Variants in OAS2 observed in about 807,000 individuals in gnomAD.
OAS2 encodes the protein 2'-5'-oligoadenylate synthetase 2, also known as 2'-5'-oligoadenylate synthase 2.
OAS2 carries 67 observed loss-of-function variants against 71.3 expected under a neutral mutation model. The ratio of observed to expected loss-of-function variants is 0.94; its 90% confidence interval spans 0.77 to 1.15. The LOEUF (loss-of-function observed/expected upper bound fraction) is 1.15, where lower values mean the gene tolerates loss of function less well. Ranked by LOEUF, OAS2 falls within the 50% of genes most tolerant of loss-of-function variation. The pLI, the probability that OAS2 is intolerant of heterozygous loss-of-function variation, is 0.00. For synonymous variants in OAS2, 327 were observed against 321.8 expected, an observed-to-expected ratio of 1.02 and a Z score of -0.17; for missense variants, 789 against 822.5, an observed-to-expected ratio of 0.96 and a Z score of 0.50.
intron 1 of OAS2, among the ~76,000 whole-genome samples, chr12:112,983,262 G>A (rs935121118): frequency 6.6e-6 from 1 of 151,940 alleles, no homozygotes; most frequent in Non-Finnish European, 1.5e-5. Context: ...TTTTGCTTTT[G>A]TTGCCCAAGC....
chr12:112,987,348 G>T (rs967211798), intron 2 of OAS2, 40 bp downstream of exon 2: 4 of 1,612,098 alleles, frequency 2.5e-6, no homozygotes, highest in Non-Finnish European at 3.4e-6. Flanking sequence ...AGCCAAAGAA[G>T]CGGGTGCCAG....
intron 2 of OAS2, 180 bp downstream of exon 2, chr12:112,987,488 C>T: frequency 6.9e-7 from 1 of 1,444,234 alleles, no homozygotes; most frequent in Non-Finnish European, 9.1e-7. Context: ...CTGGAACTAA[C>T]TTCTCCCCCA....
Position 112,978,645 on chromosome 12 carries a change from G to C in OAS2, c.37G>C (p.Ala13Pro). 1 of 1,614,140 alleles carries C rather than the reference G, an allele frequency of 6.2e-7. No individual in the cohort carries two copies. The change falls in exon 1 of 10, where the codon GCT becomes CCT. Residue 13 changes from alanine (A) to proline (P), a missense_variant. Coordinates refer to ENST00000392583, the MANE Select transcript of OAS2 (RefSeq NM_002535.3). This position sits in a 1 kb window ranked among gnomAD's most constrained non-coding sequence, Gnocchi z 4.2. ...GGAGTCCCAGCTGTCCTCGGTGCCT[G>C]CTCAGAAGCTGGGTTGGTTTATCCA... is the stretch of plus-strand genomic sequence containing the variant. Reference protein sequence around the residue: ...NGESQLSSVPAQKLGWFIQEY... With the variant: ...NGESQLSSVPPQKLGWFIQEY...
chr12:112,990,413 A>AATT (rs2044180472), intron 2 of OAS2, among the ~76,000 whole-genome samples: 2 of 152,366 alleles, frequency 1.3e-5, no homozygotes, highest in South Asian at 4.1e-4. Flanking sequence ...ATTAGCAGTT[A>AATT]GTTGAAGGAG....
intron 7 of OAS2, 45 bp downstream of exon 7, chr12:113,005,267 G>T: frequency 6.4e-7 from 1 of 1,572,084 alleles, no homozygotes; most frequent in East Asian, 2.3e-5. Context: ...GTGGACAGAA[G>T]GTGGAGGGAG....
chr12:113,004,067 C>T (rs1264213538), intron 6 of OAS2, among the ~76,000 whole-genome samples: 2 of 152,206 alleles, frequency 1.3e-5, no homozygotes, highest in African/African-American at 2.4e-5. Context: ...AGAGAGCCAT[C>T]GGCAGATAAG....
rs372675966 is a variant in OAS2 at position 112,993,430 on chromosome 12, G to A, written c.449-1866G>A. On this transcript the variant is annotated intron_variant, in intron 2 of 9. Transcript: ENST00000392583. ...GGCTTAGAGTAAACACACCATAAAC[G>A]TTAGCTATTTATTATCATTATGGGG... Among the ~76,000 whole-genome samples the A allele has an allele frequency of 3.2e-4, 49 of 152,270 alleles. No individual in the cohort carries two copies. The South Asian group carries it at 9.7e-3, about 30-fold the overall frequency.
Position 113,002,197 on chromosome 12 carries a change from G to T in OAS2, c.1009-735G>T, listed in dbSNP as rs1467804509. Among the ~76,000 whole-genome samples, 5 of 152,254 alleles carry T rather than the reference G, an allele frequency of 3.3e-5. No homozygotes were observed. In the East Asian group the frequency reaches 9.6e-4, roughly 29 times the overall value. Reference sequence around the variant, plus strand: ...TCCTTGAACCTAAAGTAAAAGTGGAGAAAAATGTATTAATTAATTCAATTA... The same window carrying T: ...TCCTTGAACCTAAAGTAAAAGTGGATAAAAATGTATTAATTAATTCAATTA... On this transcript the variant is annotated intron_variant, in intron 5 of 9. Coordinates refer to ENST00000392583, the MANE Select transcript of OAS2 (RefSeq NM_002535.3).
chr12:112,987,465 C>G, intron 2 of OAS2, 157 bp downstream of exon 2: 1 of 1,449,692 alleles, frequency 6.9e-7, no homozygotes, highest in South Asian at 1.5e-5. Context: ...CTACCCTGGA[C>G]TCGCTCTCTT....
At chr12:112,984,845 G>A (rs932713909) in intron 1 of OAS2, among the ~76,000 whole-genome samples, 1 of 152,126 alleles carries the variant, frequency 6.6e-6, no homozygotes, top group Non-Finnish European at 1.5e-5. Context: ...TAGTCTAGTG[G>A]TGATGAATTC....
At chr12:113,001,794 G>A (rs571004352) in intron 5 of OAS2, among the ~76,000 whole-genome samples, 12 of 150,594 alleles carry the variant, frequency 8.0e-5, no homozygotes, top group Non-Finnish European at 4.4e-5. Flanking sequence ...GAGAGGCTGA[G>A]GTGGGAGGAT....
chr12:112,983,490 A>G (rs1293771), intron 1 of OAS2, among the ~76,000 whole-genome samples: 116,322 of 152,194 alleles, frequency 0.76, 45,106 homozygotes, highest in East Asian at 0.91. Context: ...CTCCCAAAGT[A>G]CTGGAATTTC....
At position 112,988,253 on chromosome 12, in the gene OAS2, T is replaced by C. The variant is rs186251741; in HGVS notation, c.448+945T>C. The C allele has an allele frequency of 1.8e-5, 18 of 979,382 alleles. 1 individual carries two copies. Among genetic ancestry groups the C allele is most frequent in the Admixed American group, 1.2e-4 (2 of 16,274 alleles). The allele number at this position is 979,382 out of a possible 1,614,324, so 60.7% of individuals were successfully genotyped here. On this transcript the variant is annotated intron_variant, in intron 2 of 9. Coordinates refer to ENST00000392583, the MANE Select transcript of OAS2 (RefSeq NM_002535.3). The stretch of plus-strand genomic sequence containing the variant: ...GTTAAGAAGAAAATTCTTGGCCAAA[T>C]TGAATTTAATGGAGTTTAACTGAGC...
intron 1 of OAS2, among the ~76,000 whole-genome samples, chr12:112,980,027 GA>G (rs2044065843): frequency 6.6e-6 from 1 of 152,154 alleles, no homozygotes; most frequent in Non-Finnish European, 1.5e-5. Context: ...TGATGTTTAT[GA>G]AATTTATGTT....
intron 1 of OAS2, among the ~76,000 whole-genome samples, chr12:112,979,954 G>A (rs1445795601): frequency 2.0e-5 from 3 of 152,206 alleles, no homozygotes; most frequent in Non-Finnish European, 4.4e-5. Context: ...GGATGCATGG[G>A]TGAACCCTAC....
chr12:113,004,006 C>T (rs1425473850), intron 6 of OAS2, among the ~76,000 whole-genome samples: 1 of 152,164 alleles, frequency 6.6e-6, no homozygotes, highest in Non-Finnish European at 1.5e-5. Flanking sequence ...AAACCCCATT[C>T]ACATGATAGT....
chr12:113,011,196 T>G lies in OAS2; in HGVS notation c.*1941T>G, dbSNP rs920635573. The stretch of plus-strand genomic sequence containing the variant: ...TCACTGTTGCATATACCAGTTGTGA[T>G]ACAATAAAGAATGTATCTGGATTTT... On this transcript the variant is annotated 3_prime_UTR_variant, in exon 10 of 10. Coordinates refer to ENST00000392583, the MANE Select transcript of OAS2 (RefSeq NM_002535.3). 4 of 152,248 alleles carry G rather than the reference T, an allele frequency of 2.6e-5. No individual in the cohort carries two copies. Among genetic ancestry groups the G allele is most frequent in the African/African-American group, 9.6e-5 (4 of 41,466 alleles). 9.4% of individuals were successfully genotyped at this position (152,248 alleles called of 1,614,324 possible).
intron 2 of OAS2, among the ~76,000 whole-genome samples, chr12:112,993,690 G>A (rs1187688797): frequency 1.3e-5 from 2 of 151,954 alleles, no homozygotes; most frequent in Non-Finnish European, 2.9e-5. Context: ...GACCAGCCTG[G>A]GCAACAGGCT....
chr12:112,983,678 T>A (rs548247653), intron 1 of OAS2, among the ~76,000 whole-genome samples: 2 of 152,216 alleles, frequency 1.3e-5, no homozygotes, highest in Non-Finnish European at 2.9e-5. Context: ...TTCCAGAAAT[T>A]TTTTGATTTC....
Sources: allele counts gnomAD v4.1 joint callset (sites outside exome capture counted in the v4.1 genomes callset), GRCh38; gene constraint gnomAD v4.1.1; non-coding constraint Gnocchi (gnomAD v3.1); transcripts MANE v1.5; gene names NCBI Gene and HGNC (gene_info 2026-07-23, HGNC 2026-07-21).